The following SLC25A13 variants were observed in gnomAD, a reference collection of about 807,000 sequenced individuals.
SLC25A13 encodes the protein electrogenic aspartate/glutamate antiporter SLC25A13, mitochondrial.
SLC25A13 carries 70 observed loss-of-function variants against 85.5 expected under a neutral mutation model. The ratio of observed to expected loss-of-function variants is 0.82; its 90% CI spans 0.68 to 1.00. The LOEUF is 1.00. SLC25A13 is among the 50% of genes least tolerant of loss of function. The pLI is 0.00. For synonymous variants in SLC25A13, 259 were observed against 288.7 expected (o/e 0.90, Z 1.04); for missense variants, 765 against 819.8 (o/e 0.93, Z 0.82).
chr7:96,298,513 A>G (rs1402897539), intron 1 of SLC25A13, among the ~76,000 whole-genome samples: 1 of 151,992 alleles, frequency 6.6e-6, no homozygotes, highest in Non-Finnish European at 1.5e-5. Flanking sequence ...AGCTCACTGC[A>G]ACCTCAGCCT....
intron 4 of SLC25A13, among the ~76,000 whole-genome samples, chr7:96,225,335 AG>A (rs1796292356): frequency 6.6e-6 from 1 of 152,102 alleles, no homozygotes; most frequent in African/African-American, 2.4e-5. Flanking sequence ...GCTTGAGCCT[AG>A]GAGTTTGAGA....
intron 11 of SLC25A13, among the ~76,000 whole-genome samples, chr7:96,174,063 T>C (rs1794115319): frequency 6.6e-6 from 1 of 152,158 alleles, no homozygotes; most frequent in Non-Finnish European, 1.5e-5. Flanking sequence ...GATGAGAATG[T>C]GGAGCAAAAG....
rs751912314 is a variant in SLC25A13 at position 96,277,294 on chromosome 7, A to T, written c.114T>A (p.Asn38Lys). ...TGTTCAAGTATCGAGTGACAAAGTC[A>T]TTGGGGGACATGAAAAATTCACCGT... ...EKNGEFFMSP[N>K]DFVTRYLNIF... The change falls in exon 3 of 18, where the codon AAT (asparagine) becomes AAA (lysine). Residue 38 changes from asparagine to lysine, a missense_variant. Physicochemically the swap from Asn to Lys is moderately conservative, Grantham distance 94. Transcript: ENST00000265631. The T allele has an allele frequency of 5.0e-6, 8 of 1,613,008 alleles. No homozygotes were observed. Among genetic ancestry groups the T allele is most frequent in the Non-Finnish European group, 5.9e-6 (7 of 1,179,542 alleles).
chr7:96,252,843 C>T (rs1295994137), intron 3 of SLC25A13, among the ~76,000 whole-genome samples: 3 of 152,058 alleles, frequency 2.0e-5, no homozygotes, highest in African/African-American at 7.2e-5. Context: ...CCTGTAATCC[C>T]AGCACTTTGG....
intron 3 of SLC25A13, among the ~76,000 whole-genome samples, chr7:96,259,522 A>C (rs1435322213): frequency 6.6e-6 from 1 of 152,204 alleles, no homozygotes; most frequent in African/African-American, 2.4e-5. Context: ...ATCTCACGCC[A>C]GTTAGAATGG....
intron 5 of SLC25A13, among the ~76,000 whole-genome samples, chr7:96,193,641 A>C (rs1584436943): frequency 6.6e-6 from 1 of 152,300 alleles, no homozygotes; most frequent in South Asian, 2.1e-4. Context: ...GATAGAAAAG[A>C]GTGGTGGTTC....
intron 1 of SLC25A13, among the ~76,000 whole-genome samples, chr7:96,301,995 A>T (rs978235690): frequency 2.6e-4 from 39 of 152,274 alleles, no homozygotes; most frequent in African/African-American, 9.4e-4. Context: ...GGAAAAGTCT[A>T]TCATTATTTA....
At chr7:96,137,068 C>T (rs1792317827) in intron 14 of SLC25A13, among the ~76,000 whole-genome samples, 1 of 152,154 alleles carries the variant, frequency 6.6e-6, no homozygotes, top group African/African-American at 2.4e-5. Flanking sequence ...CTTAGCATTC[C>T]TCTTGGCTTC....
At chr7:96,224,920 C>T (rs1046123666) in intron 4 of SLC25A13, among the ~76,000 whole-genome samples, 1 of 152,130 alleles carries the variant, frequency 6.6e-6, no homozygotes, top group Non-Finnish European at 1.5e-5. Flanking sequence ...AGGCTGCTCT[C>T]CCAGCTCCAT....
chr7:96,321,383 G>A (rs1379714904), intron 1 of SLC25A13, among the ~76,000 whole-genome samples: 1 of 152,198 alleles, frequency 6.6e-6, no homozygotes, highest in Admixed American at 6.5e-5. Context: ...GGGAGGGGGA[G>A]AGTCCCTGGA....
intron 1 of SLC25A13, among the ~76,000 whole-genome samples, chr7:96,319,871 G>C (rs1252143908): frequency 2.0e-5 from 3 of 152,170 alleles, no homozygotes; most frequent in Non-Finnish European, 2.9e-5. Flanking sequence ...TAGTAAAAAT[G>C]AACATTTCAT....
intron 2 of SLC25A13, among the ~76,000 whole-genome samples, chr7:96,279,668 G>A (rs1463964718): frequency 1.3e-5 from 2 of 152,164 alleles, no homozygotes; most frequent in African/African-American, 2.4e-5. Context: ...AAATTTGGGT[G>A]GGGACACAGC....
At position 96,227,864 on chromosome 7, in the gene SLC25A13, AT is replaced by A. The variant is rs953424403; in HGVS notation, c.328+6937del. 3.8e-3 allele frequency among the ~76,000 whole-genome samples: 575 copies of A among 150,680 alleles called. 4 individuals carry two copies. The highest frequency in any genetic ancestry group is 0.013 in the African/African-American group (547 of 41,052). On this transcript the variant is annotated intron_variant, in intron 4 of 17. Coordinates refer to ENST00000265631, the MANE Select transcript of SLC25A13 (RefSeq NM_014251.3). ...TTCCTGACCCGGAGGAAAACAAAGA[AT>A]TTTTTTTTTCTGTTTTGAGCCAGAG...
chr7:96,121,971 G>A lies in SLC25A13; in HGVS notation c.1618C>T (p.Pro540Ser), dbSNP rs75622628. 138 of 1,614,024 alleles carry A rather than the reference G, an allele frequency of 8.6e-5. No individual in the cohort carries two copies. In the African/African-American group the frequency reaches 1.7e-3, roughly 20 times the overall value. ...AGMPAASLVT[P>S]ADVIKTRLQV... is the part of the protein sequence containing the mutation. ...AATCTCGTCTTGATAACATCAGCAG[G>A]GGTCACTAAAGATGCTGCAGGCATA... Residue 540 changes from proline (P) to serine (S), a missense_variant, in exon 16 of 18, where the codon CCT (proline) becomes TCT (serine). By Grantham distance (74) the Pro-to-Ser change is moderately conservative. Coordinates refer to ENST00000265631, the MANE Select transcript of SLC25A13 (RefSeq NM_014251.3).
intron 2 of SLC25A13, among the ~76,000 whole-genome samples, chr7:96,295,318 C>A (rs1368153662): frequency 6.6e-6 from 1 of 152,186 alleles, no homozygotes. Flanking sequence ...CATTGCACTC[C>A]AGCCTGGGCA....
intron 1 of SLC25A13, among the ~76,000 whole-genome samples, chr7:96,307,156 G>T (rs963728155): frequency 2.0e-5 from 3 of 150,518 alleles, no homozygotes; most frequent in African/African-American, 7.3e-5. Context: ...AAAAAATAAA[G>T]AAAATTAAGA....
chr7:96,321,643 C>T (rs1800348056), intron 1 of SLC25A13, among the ~76,000 whole-genome samples: 1 of 152,178 alleles, frequency 6.6e-6, no homozygotes, highest in African/African-American at 2.4e-5. Context: ...GTCGCGCCCG[C>T]TCCTCCTCGT....
intron 5 of SLC25A13, among the ~76,000 whole-genome samples, chr7:96,204,758 C>G (rs1795395576): frequency 6.6e-6 from 1 of 152,070 alleles, no homozygotes; most frequent in Admixed American, 6.6e-5. Flanking sequence ...ATGAGTGTCT[C>G]AAGATTATAG....
chr7:96,125,192 G>C (rs945112519), intron 15 of SLC25A13, among the ~76,000 whole-genome samples: 1 of 152,046 alleles, frequency 6.6e-6, no homozygotes, highest in Non-Finnish European at 1.5e-5. Context: ...AGGCTCAAGT[G>C]ATTCTCCTGC....
Sources: gnomAD v4.1 joint callset for allele counts (sites outside exome capture counted in the v4.1 genomes callset) on GRCh38, gnomAD v4.1.1 for gene constraint, MANE v1.5 for transcripts, NCBI Gene and HGNC (gene_info 2026-07-23, HGNC 2026-07-21) for gene names.